The following DNAH5 variants were observed in gnomAD, a reference collection of about 807,000 sequenced individuals.
DNAH5 encodes the protein axonemal beta dynein heavy chain 5.
A neutral mutation model predicts 518.2 loss-of-function variants in DNAH5; 372 were observed. The ratio of observed to expected loss-of-function variants is 0.72; its 90% CI spans 0.66 to 0.78. The LOEUF is 0.78. Among genes scored for constraint, DNAH5 ranks in the 30% least tolerant of loss-of-function variants. The probability of loss-of-function intolerance (pLI) is 0.00; values close to 1 mark genes in which losing one functional copy is unlikely to be tolerated. For synonymous variants in DNAH5, 2,039 were observed against 2,025.9 expected, an observed-to-expected ratio of 1.01 and a Z score of -0.17; for missense variants, 5,523 against 5,687.0, an observed-to-expected ratio of 0.97 and a Z score of 0.93.
intron 1 of DNAH5, among the ~76,000 whole-genome samples, chr5:13,987,420 G>A (rs535646263): frequency 2.0e-5 from 3 of 151,892 alleles, no homozygotes; most frequent in Non-Finnish European, 4.4e-5. Context: ...ACCCCTCCAA[G>A]CAGATTACGG....
chr5:13,715,920 AGGC>A (rs1744225191), intron 74 of DNAH5, among the ~76,000 whole-genome samples: 1 of 152,240 alleles, frequency 6.6e-6, no homozygotes, highest in Non-Finnish European at 1.5e-5. Flanking sequence ...TCAACAGCAC[AGGC>A]CAGCCCCCTA....
intron 46 of DNAH5, among the ~76,000 whole-genome samples, chr5:13,808,376 C>T (rs1760004153): frequency 6.6e-6 from 1 of 152,084 alleles, no homozygotes; most frequent in Non-Finnish European, 1.5e-5. Flanking sequence ...GACTTTCAGC[C>T]TCCAGAACAG....
chr5:14,005,506 AG>A (rs1417679932), intron 1 of DNAH5, among the ~76,000 whole-genome samples: 1 of 152,218 alleles, frequency 6.6e-6, no homozygotes, highest in African/African-American at 2.4e-5. Flanking sequence ...GCCTGTGGCC[AG>A]GAATTCACAC....
chr5:13,902,258 A>G (rs550147792), intron 12 of DNAH5, 120 bp from the exon 13 acceptor site: 1 of 719,950 alleles, frequency 1.4e-6, no homozygotes, highest in African/African-American at 1.8e-5. Flanking sequence ...ATGTAACCGA[A>G]AATTGAATGA....
intron 12 of DNAH5, among the ~76,000 whole-genome samples, chr5:13,910,426 T>C (rs13178616): frequency 0.41 from 61,852 of 152,104 alleles, 13,033 homozygotes; most frequent in East Asian, 0.76. Context: ...AGCTTTGTTA[T>C]GACTCATTCT....
intron 31 of DNAH5, among the ~76,000 whole-genome samples, chr5:13,849,479 C>A (rs551028073): frequency 6.6e-6 from 1 of 152,280 alleles, no homozygotes; most frequent in Admixed American, 6.5e-5. Context: ...CTCCAAATTA[C>A]CAATTTGAGG....
At chr5:13,699,199 G>T (rs1219041130) in intron 78 of DNAH5, among the ~76,000 whole-genome samples, 2 of 152,142 alleles carry the variant, frequency 1.3e-5, no homozygotes, top group Admixed American at 1.3e-4. Flanking sequence ...CATCTCAAAA[G>T]CAATCACCCC....
intron 2 of DNAH5, 135 bp downstream of exon 2, chr5:13,930,975 G>A: frequency 7.6e-7 from 1 of 1,317,454 alleles, no homozygotes; most frequent in Non-Finnish European, 1.1e-6. Context: ...CCAGTACAGA[G>A]TCAGAATGGA....
chr5:13,729,545 T>A lies in DNAH5; in HGVS notation c.11777A>T (p.Asp3926Val), dbSNP rs111239561. The change falls in exon 69 of 79, where the codon GAC becomes GTC. Residue 3926 changes from aspartate to valine, a missense_variant. Coordinates refer to ENST00000265104, the MANE Select transcript of DNAH5 (RefSeq NM_001369.3). ...LTLIKGGASL[D>V]LKACPPKPSK... is the part of the protein sequence containing the mutation. Reference sequence around the variant, plus strand: ...TGGTTTTGGAGGACAAGCTTTAAGGTCTAATGAGGCACCTCCTTTAAAATT... The same window carrying A: ...TGGTTTTGGAGGACAAGCTTTAAGGACTAATGAGGCACCTCCTTTAAAATT... 1.7e-5 allele frequency: 28 copies of A among 1,613,204 alleles called. No individual in the cohort carries two copies. Among genetic ancestry groups the A allele is most frequent in the Non-Finnish European group, 2.3e-5 (27 of 1,179,350 alleles).
chr5:13,910,755 C>T (rs1418350223), intron 12 of DNAH5, among the ~76,000 whole-genome samples: 1 of 152,330 alleles, frequency 6.6e-6, no homozygotes, highest in South Asian at 2.1e-4. Flanking sequence ...CAGTACTAGG[C>T]ACCTCACCAG....
intron 1 of DNAH5, among the ~76,000 whole-genome samples, chr5:13,972,078 C>T (rs528642349): frequency 6.6e-6 from 1 of 152,228 alleles, no homozygotes; most frequent in South Asian, 2.1e-4. Context: ...TCTCCTGTGT[C>T]ATACAGGTGG....
chr5:13,754,569 G>A (rs990313476), intron 61 of DNAH5, among the ~76,000 whole-genome samples: 2 of 151,986 alleles, frequency 1.3e-5, no homozygotes, highest in African/African-American at 2.4e-5. Flanking sequence ...ATAGAGTTTC[G>A]CTCTTGTTAC....
chr5:13,981,623 G>A (rs185582645), intron 1 of DNAH5, among the ~76,000 whole-genome samples: 2 of 152,270 alleles, frequency 1.3e-5, no homozygotes, highest in East Asian at 3.9e-4. Flanking sequence ...TCTCATCGGT[G>A]CTACCAGGAC....
At chr5:13,731,007 G>A (rs1008380672) in intron 68 of DNAH5, among the ~76,000 whole-genome samples, 4 of 152,036 alleles carry the variant, frequency 2.6e-5, no homozygotes, top group South Asian at 2.1e-4. Flanking sequence ...CCCGGCCTAC[G>A]CATTATTCAT....
intron 30 of DNAH5, among the ~76,000 whole-genome samples, chr5:13,855,096 C>T (rs923835902): frequency 6.6e-6 from 1 of 152,114 alleles, no homozygotes; most frequent in African/African-American, 2.4e-5. Flanking sequence ...ATGCTTCTCT[C>T]TCACTATGAT....
rs139272820 is a variant in DNAH5, at chr5:13,781,031, T to C, written c.8821-72A>G. On this transcript the variant is annotated intron_variant, in intron 52 of 78. Transcript: ENST00000265104. ...TTCTATTTTTCCTATTTATTCAATA[T>C]ATGAATAAGGCCTAATTATTATTTT... 63 of 1,497,706 alleles carry C rather than the reference T, an allele frequency of 4.2e-5. 1 individual carries two copies. The East Asian group carries it at 1.2e-3, about 27-fold the overall frequency. The allele number at this position is 1,497,706 out of a possible 1,614,324, so 92.8% of individuals were successfully genotyped here.
At chr5:13,768,150 C>T (rs142330906) in intron 58 of DNAH5, among the ~76,000 whole-genome samples, 40 of 152,156 alleles carry the variant, frequency 2.6e-4, no homozygotes, top group African/African-American at 8.2e-4. Flanking sequence ...TGTCCCCACC[C>T]AAATCTCATC....
At chr5:13,937,799 C>T (rs1291338771) in intron 1 of DNAH5, among the ~76,000 whole-genome samples, 1 of 152,090 alleles carries the variant, frequency 6.6e-6, no homozygotes, top group East Asian at 1.9e-4. Context: ...GAATATATTT[C>T]TATTTGTTTG....
At chr5:13,998,780 C>A (rs1049453714) in intron 1 of DNAH5, among the ~76,000 whole-genome samples, 2 of 152,162 alleles carry the variant, frequency 1.3e-5, no homozygotes, top group Non-Finnish European at 2.9e-5. Flanking sequence ...AGTGAGGGAG[C>A]TAGTGGGCAG....
Sources: gnomAD v4.1 joint callset for allele counts (sites outside exome capture counted in the v4.1 genomes callset) on GRCh38, gnomAD v4.1.1 for gene constraint, MANE v1.5 for transcripts, NCBI Gene and HGNC (gene_info 2026-07-23, HGNC 2026-07-21) for gene names.